The following C2orf74 variants were observed in gnomAD, a reference collection of about 807,000 sequenced individuals.
C2orf74 encodes uncharacterized protein C2orf74.
A neutral mutation model predicts 17.9 loss-of-function variants in C2orf74; 14 were observed. The observed-to-expected ratio is 0.78, with a 90% CI of 0.52 to 1.22. C2orf74 has a LOEUF of 1.22. Ranked by LOEUF, C2orf74 falls within the 50% of genes most tolerant of loss-of-function variation. The pLI, the probability that C2orf74 is intolerant of heterozygous loss-of-function variation, is 0.00. For missense variants in C2orf74, 217 were observed against 218.4 expected, an observed-to-expected ratio of 0.99 and a Z score of 0.04; for synonymous variants, 79 against 72.6, an observed-to-expected ratio of 1.09 and a Z score of -0.44.
chr2:61,147,268 A>G (rs568934355), intron 1 of C2orf74, among the ~76,000 whole-genome samples: 1 of 151,696 alleles, frequency 6.6e-6, no homozygotes, highest in Non-Finnish European at 1.5e-5. Context: ...AGACTGCACA[A>G]TGGCGCCATC....
Position 61,164,468 on chromosome 2 carries a change from C to G in C2orf74, c.505C>G (p.Leu169Val). The stretch of plus-strand genomic sequence containing the variant: ...TTCTAGGGAGGTAATTGTTGTGGAT[C>G]TTGGGAATGAATACCCTACACCTCG... ...TFSREVIVVDLGNEYPTPRSY... is the reference protein window; with the variant it reads ...TFSREVIVVDVGNEYPTPRSY... The change falls in exon 5 of 5, where the codon CTT becomes GTT. Residue 169 changes from leucine (L) to valine (V), a missense_variant. Coordinates refer to ENST00000432605, the MANE Select transcript of C2orf74 (RefSeq NM_001143959.4). The G allele has an allele frequency of 6.4e-7, 1 of 1,550,962 alleles. No individual in the cohort carries two copies. The highest frequency in any genetic ancestry group is 1.7e-4 in the Middle Eastern group (1 of 5,990).
intron 1 of C2orf74, among the ~76,000 whole-genome samples, chr2:61,147,619 C>T (rs1685108564): frequency 6.6e-6 from 1 of 152,048 alleles, no homozygotes; most frequent in Non-Finnish European, 1.5e-5. Flanking sequence ...TATTTATTGC[C>T]CATTCGTCCT....
chr2:61,158,446 T>G (rs1163718219), upstream of C2orf74, among the ~76,000 whole-genome samples: 4 of 152,184 alleles, frequency 2.6e-5, no homozygotes, highest in Non-Finnish European at 5.9e-5. Context: ...GACAAGGTGT[T>G]TTCTATATCA....
At position 61,148,404 on chromosome 2, in the gene C2orf74, C is replaced by G. The variant is rs190710340; in HGVS notation, c.-122+3208C>G. Among the ~76,000 whole-genome samples the G allele has an allele frequency of 2.8e-3, 422 of 152,070 alleles. 1 individual carries two copies. The highest frequency in any genetic ancestry group is 9.5e-3 in the African/African-American group (393 of 41,520). On this transcript the variant is annotated intron_variant, in intron 1 of 3. Transcript: ENST00000426997. ...GTTTCACCATGTTGGCCAGGCTGGTCTCGAAATCCTGACCTCAGGTGATCT... is the reference window on the plus strand; with the variant it reads ...GTTTCACCATGTTGGCCAGGCTGGTGTCGAAATCCTGACCTCAGGTGATCT...
At chr2:61,163,477 G>T (rs897442110) in intron 4 of C2orf74, among the ~76,000 whole-genome samples, 1 of 151,918 alleles carries the variant, frequency 6.6e-6, no homozygotes, top group African/African-American at 2.4e-5. Flanking sequence ...GGTGGCACCC[G>T]CCTGTAATCC....
intron 1 of C2orf74, among the ~76,000 whole-genome samples, chr2:61,150,809 A>G (rs1415089640): frequency 6.6e-6 from 1 of 152,198 alleles, no homozygotes; most frequent in Non-Finnish European, 1.5e-5. Context: ...AAACATCTCA[A>G]GATTGGCTAC....
At chr2:61,158,040 C>T (rs961916883), upstream of C2orf74, 1 of 470,398 alleles carries the variant, frequency 2.1e-6, no homozygotes, top group Non-Finnish European at 4.4e-6. Context: ...ACTGCTTATT[C>T]TGTATGGAAG....
chr2:61,162,519 G>A lies in C2orf74; in HGVS notation c.5G>A (p.Ser2Asn). MSFETTAITFFI... is the reference protein window; with the variant it reads MNFETTAITFFI... ...ATGAGTCTTCTAGCTAAACCTATGAGCTTTGAAACCACAGCAATCACTTTC... is the reference window on the plus strand; with the variant it reads ...ATGAGTCTTCTAGCTAAACCTATGAACTTTGAAACCACAGCAATCACTTTC... The change falls in exon 2 of 5, where the codon AGC (serine) becomes AAC (asparagine). Residue 2 changes from serine (S) to asparagine (N), a missense_variant. Transcript: ENST00000432605. 1 of 1,551,444 alleles carries A rather than the reference G, an allele frequency of 6.4e-7. No homozygotes were observed. The highest frequency in any genetic ancestry group is 8.7e-7 in the Non-Finnish European group (1 of 1,146,710).
At chr2:61,148,992 G>A (rs190686200) in intron 1 of C2orf74, among the ~76,000 whole-genome samples, 9 of 152,238 alleles carry the variant, frequency 5.9e-5, no homozygotes, top group South Asian at 2.1e-4. Flanking sequence ...ATTTTGCTCC[G>A]AACCTAAAAC....
Position 61,164,705 on chromosome 2 carries a change from A to G in C2orf74, c.*178A>G, listed in dbSNP as rs1685678127. ...GCAAAATTCTGTAAGTAAAATACTTAGAGCTTGAATATAATTTTTTAAAAA... is the reference window on the plus strand; with the variant it reads ...GCAAAATTCTGTAAGTAAAATACTTGGAGCTTGAATATAATTTTTTAAAAA... On this transcript the variant is annotated 3_prime_UTR_variant, in exon 5 of 5. Coordinates refer to ENST00000432605, the MANE Select transcript of C2orf74 (RefSeq NM_001143959.4). 2.1e-6 allele frequency: 1 copy of G among 468,406 alleles called. No homozygotes were observed. Among genetic ancestry groups the G allele is most frequent in the African/African-American group, 2.0e-5 (1 of 49,554 alleles). 29.0% of individuals were successfully genotyped at this position (468,406 alleles called of 1,614,324 possible).
intron 1 of C2orf74, among the ~76,000 whole-genome samples, chr2:61,149,311 G>T (rs956382070): frequency 2.0e-5 from 3 of 152,190 alleles, no homozygotes; most frequent in African/African-American, 7.2e-5. Context: ...GGCCATAGAT[G>T]TGTCCTGCTA....
At chr2:61,155,411 C>A (rs545939464) in intron 1 of C2orf74, among the ~76,000 whole-genome samples, 20 of 152,202 alleles carry the variant, frequency 1.3e-4, no homozygotes, top group African/African-American at 4.6e-4. Flanking sequence ...CCCCAAAAAG[C>A]CAGAATAGTT....
chr2:61,164,204 G>T (rs374362046), intron 4 of C2orf74, 150 bp from the exon 5 acceptor site: 3 of 587,864 alleles, frequency 5.1e-6, no homozygotes, highest in East Asian at 6.6e-5. Flanking sequence ...ATGTGAAAAT[G>T]TGATCATGAT....
intron 1 of C2orf74, among the ~76,000 whole-genome samples, chr2:61,147,696 TC>T (rs1228762375): frequency 2.6e-5 from 4 of 152,232 alleles, no homozygotes; most frequent in African/African-American, 9.6e-5. Context: ...TTAAAAATAT[TC>T]TATACGTTGA....
At chr2:61,153,854 AT>A (rs953880740) in intron 1 of C2orf74, among the ~76,000 whole-genome samples, 1 of 151,346 alleles carries the variant, frequency 6.6e-6, no homozygotes, top group African/African-American at 2.4e-5. Flanking sequence ...GTGCCACTAC[AT>A]TCCAGCCTGG....
intron 1 of C2orf74, among the ~76,000 whole-genome samples, chr2:61,154,279 C>G (rs1025346668): frequency 6.6e-6 from 1 of 151,112 alleles, no homozygotes; most frequent in Non-Finnish European, 1.5e-5. Context: ...GTTCAAATTC[C>G]AATAGTGGAT....
upstream of C2orf74, chr2:61,158,162 C>T (rs779944674): frequency 7.9e-5 from 29 of 366,276 alleles, no homozygotes; most frequent in Non-Finnish European, 1.4e-4. Context: ...AAATTCTACC[C>T]AGACTGTCTT....
chr2:61,156,942 C>A (rs950255781), intron 1 of C2orf74, among the ~76,000 whole-genome samples: 1 of 152,180 alleles, frequency 6.6e-6, no homozygotes, highest in African/African-American at 2.4e-5. Context: ...TGTTTTGTTG[C>A]AGACCAATGA....
chr2:61,155,472 GCTAA>G (rs1224062158), intron 1 of C2orf74, among the ~76,000 whole-genome samples: 1 of 151,892 alleles, frequency 6.6e-6, no homozygotes, highest in African/African-American at 2.4e-5. Flanking sequence ...CCTTTTGCAA[GCTAA>G]TGAGATGGAT....
Sources: gnomAD v4.1 joint callset for allele counts (sites outside exome capture counted in the v4.1 genomes callset) on GRCh38, gnomAD v4.1.1 for gene constraint, MANE v1.5 for transcripts, NCBI Gene and HGNC (gene_info 2026-07-23, HGNC 2026-07-21) for gene names.